GPM6A: variants seen among roughly 807,000 people sequenced by gnomAD.
The protein encoded by GPM6A is glycoprotein M6A, also known as neuronal membrane glycoprotein M6-a.
GPM6A carries 7 observed loss-of-function variants against 32.1 expected under a neutral mutation model. The observed-to-expected ratio is 0.22, with a 90% confidence interval of 0.12 to 0.41. The LOEUF is 0.41. Among genes scored for constraint, GPM6A ranks in the 10% least tolerant of loss-of-function variants. GPM6A has a pLI of 1.00. For synonymous variants in GPM6A, 130 were observed against 123.4 expected, an observed-to-expected ratio of 1.05 and a Z score of -0.35; for missense variants, 235 against 347.2, an observed-to-expected ratio of 0.68 and a Z score of 2.57.
At chr4:175,938,670 G>A (rs1023527650) in intron 1 of GPM6A, among the ~76,000 whole-genome samples, 6 of 150,668 alleles carry the variant, frequency 4.0e-5, no homozygotes, top group Admixed American at 2.0e-4. Flanking sequence ...ATAACAGATT[G>A]TAGATTCTGG....
chr4:175,864,636 A>C (rs1009469510), intron 1 of GPM6A, among the ~76,000 whole-genome samples: 1 of 152,132 alleles, frequency 6.6e-6, no homozygotes, highest in Non-Finnish European at 1.5e-5. Flanking sequence ...AACATTTTTA[A>C]ATTCGATTAA....
intron 1 of GPM6A, among the ~76,000 whole-genome samples, chr4:175,963,693 C>G (rs1030538563): frequency 3.3e-5 from 5 of 151,928 alleles, no homozygotes; most frequent in Admixed American, 3.3e-4. Flanking sequence ...AAATGAAGAG[C>G]TTTAAAAAAG....
At chr4:175,775,054 T>C (rs1418321409) in intron 1 of GPM6A, among the ~76,000 whole-genome samples, 1 of 152,142 alleles carries the variant, frequency 6.6e-6, no homozygotes, top group Non-Finnish European at 1.5e-5. Flanking sequence ...AACATTTTTA[T>C]TTTTAGCGTG....
intron 1 of GPM6A, among the ~76,000 whole-genome samples, chr4:175,740,502 C>T (rs1731847135): frequency 6.6e-6 from 1 of 151,980 alleles, no homozygotes; most frequent in Non-Finnish European, 1.5e-5. Context: ...AGAAAAATCT[C>T]TCATTTTCTG....
intron 1 of GPM6A, among the ~76,000 whole-genome samples, chr4:175,809,573 C>T (rs1299411498): frequency 6.6e-6 from 1 of 152,044 alleles, no homozygotes; most frequent in Non-Finnish European, 1.5e-5. Context: ...TAATGATCCC[C>T]ATTTCAGTTT....
upstream of GPM6A, among the ~76,000 whole-genome samples, chr4:175,814,991 T>C (rs1460325834): frequency 6.6e-6 from 1 of 152,140 alleles, no homozygotes; most frequent in Non-Finnish European, 1.5e-5. Flanking sequence ...TCCTGTTTGA[T>C]GGCAGTTGAG....
At chr4:175,957,456 C>A (rs1740023884) in intron 1 of GPM6A, among the ~76,000 whole-genome samples, 1 of 151,854 alleles carries the variant, frequency 6.6e-6, no homozygotes, top group African/African-American at 2.4e-5. Context: ...AGCAAACTAA[C>A]ACAAGAACAG....
Position 175,758,938 on chromosome 4 carries a change from G to T in GPM6A, c.37+53253C>A, listed in dbSNP as rs1055085125. Among the ~76,000 whole-genome samples the T allele has an allele frequency of 5.3e-5, 8 of 152,268 alleles. No homozygotes were observed. The South Asian group carries it at 1.7e-3, about 32-fold the overall frequency. On this transcript the variant is annotated intron_variant, in intron 1 of 6. Transcript: ENST00000393658. ...AGCCTCTTCCATTTTGTGGCAAAAT[G>T]AAGTCACAAAAATTGCTAGAATCTA... is the stretch of plus-strand genomic sequence containing the variant.
intron 1 of GPM6A, among the ~76,000 whole-genome samples, chr4:175,934,295 C>T (rs1225492873): frequency 6.6e-6 from 1 of 152,060 alleles, no homozygotes; most frequent in Non-Finnish European, 1.5e-5. Context: ...CCACTGATTC[C>T]CCAACTTTCA....
chr4:175,834,600 T>C (rs1735709302), intron 1 of GPM6A, among the ~76,000 whole-genome samples: 1 of 152,120 alleles, frequency 6.6e-6, no homozygotes, highest in Non-Finnish European at 1.5e-5. Context: ...CGGATTAAAC[T>C]ATCAGCATTC....
At chr4:175,716,859 AAAAT>A (rs1487209642) in intron 1 of GPM6A, among the ~76,000 whole-genome samples, 1 of 152,354 alleles carries the variant, frequency 6.6e-6, no homozygotes, top group Admixed American at 6.5e-5. Context: ...CATGATTTTG[AAAAT>A]AATTTGTTAA....
intron 1 of GPM6A, among the ~76,000 whole-genome samples, chr4:175,724,253 A>G (rs1014862372): frequency 6.6e-6 from 1 of 152,224 alleles, no homozygotes; most frequent in Non-Finnish European, 1.5e-5. Context: ...AATGTAAAAA[A>G]GTTGAACTCG....
intron 3 of GPM6A, among the ~76,000 whole-genome samples, chr4:175,671,144 T>C (rs1743040051): frequency 6.6e-6 from 1 of 151,976 alleles, no homozygotes; most frequent in Non-Finnish European, 1.5e-5. Flanking sequence ...ATTACAGGTG[T>C]GAGCCACCAC....
At chr4:175,878,938 C>A (rs1420286978) in intron 1 of GPM6A, among the ~76,000 whole-genome samples, 1 of 152,126 alleles carries the variant, frequency 6.6e-6, no homozygotes, top group Admixed American at 6.6e-5. Context: ...CCCAAGTCAC[C>A]CCTTGAATGC....
intron 1 of GPM6A, among the ~76,000 whole-genome samples, chr4:175,963,091 A>G (rs983130031): frequency 6.6e-6 from 1 of 152,176 alleles, no homozygotes; most frequent in Non-Finnish European, 1.5e-5. Context: ...AGCTTGAAAA[A>G]AAAGTCAATG....
intron 1 of GPM6A, among the ~76,000 whole-genome samples, chr4:175,708,623 G>T (rs1260214269): frequency 6.6e-6 from 1 of 152,060 alleles, no homozygotes; most frequent in Non-Finnish European, 1.5e-5. Flanking sequence ...CTGGGAGAAG[G>T]TTTCAAACAG....
chr4:175,867,444 C>T (rs750773047), intron 1 of GPM6A, among the ~76,000 whole-genome samples: 14 of 152,020 alleles, frequency 9.2e-5, no homozygotes, highest in Non-Finnish European at 2.1e-4. Flanking sequence ...AATGTAAGAT[C>T]TGTGCCTAGA....
At chr4:175,880,798 G>A (rs1202830228) in intron 1 of GPM6A, among the ~76,000 whole-genome samples, 7 of 152,070 alleles carry the variant, frequency 4.6e-5, no homozygotes, top group Non-Finnish European at 1.5e-5. Flanking sequence ...GAGACGATGG[G>A]GTTTTCTAGA....
intron 6 of GPM6A, among the ~76,000 whole-genome samples, chr4:175,639,733 C>T (rs1161174093): frequency 1.3e-5 from 2 of 151,488 alleles, no homozygotes; most frequent in Non-Finnish European, 2.9e-5. Context: ...TTTTAATAAC[C>T]TAATTTGTTT....
Sources: gnomAD v4.1 joint callset for allele counts (sites outside exome capture counted in the v4.1 genomes callset) on GRCh38, gnomAD v4.1.1 for gene constraint, MANE v1.5 for transcripts, NCBI Gene and HGNC (gene_info 2026-07-23, HGNC 2026-07-21) for gene names.